Variants in THSD7A observed in about 807,000 individuals in gnomAD.
THSD7A encodes thrombospondin type-1 domain-containing protein 7A.
A neutral mutation model predicts 231.3 loss-of-function variants in THSD7A; 96 were observed. The observed-to-expected ratio is 0.41, with a 90% CI of 0.35 to 0.49. The LOEUF is 0.49. Ranked by LOEUF, THSD7A falls within the 20% of genes least tolerant of loss-of-function variation. THSD7A has a pLI of 0.05. For synonymous variants in THSD7A, 940 were observed against 743.3 expected (o/e 1.26, Z -4.30); for missense variants, 2,290 against 2,070.2 (o/e 1.11, Z -2.06).
At chr7:11,533,929 C>T (rs905969938) in intron 6 of THSD7A, among the ~76,000 whole-genome samples, 1 of 152,122 alleles carries the variant, frequency 6.6e-6, no homozygotes, top group African/African-American at 2.4e-5. Context: ...TGGCTGAATG[C>T]TTCCTGTTTT....
rs193185024 is a variant in THSD7A at position 11,488,184 on chromosome 7, A to T, written c.1823-6202T>A. ...CCAGATCTATACAAAATCCGGAGTA[A>T]CTCCGATAATTATTACTGAGTTTTT... On this transcript the variant is annotated intron_variant, in intron 6 of 27. Coordinates refer to ENST00000423059, the MANE Select transcript of THSD7A (RefSeq NM_015204.3). Among the ~76,000 whole-genome samples the T allele has an allele frequency of 1.4e-3, 212 of 152,170 alleles. 1 individual carries two copies. Among genetic ancestry groups the T allele is most frequent in the Admixed American group, 0.012 (178 of 15,256 alleles).
intron 2 of THSD7A, among the ~76,000 whole-genome samples, chr7:11,615,698 C>T (rs17164890): frequency 0.043 from 6,542 of 152,136 alleles, 179 homozygotes; most frequent in Middle Eastern, 0.071. Context: ...AGAGCACAAC[C>T]TTTTCTTTTA....
chr7:11,821,070 G>T, intron 1 of THSD7A: 2 of 986,324 alleles, frequency 2.0e-6, no homozygotes, highest in Non-Finnish European at 3.2e-6. Context: ...TTTTATGAAA[G>T]TACTGCGGGA....
rs930267974 is a variant in THSD7A, at chr7:11,474,786, A to T, written c.2018-218T>A. On this transcript the variant is annotated intron_variant, in intron 7 of 27. Coordinates refer to ENST00000423059, the MANE Select transcript of THSD7A (RefSeq NM_015204.3). The surrounding 1 kb of genome is among the most constrained non-coding windows in gnomAD (Gnocchi z 4.1). Reference sequence around the variant, plus strand: ...ACACTCAAGGATCTCATAATGTAGTAGGGAAAAGTAGTAGGGGAGATAAGG... The same window carrying T: ...ACACTCAAGGATCTCATAATGTAGTTGGGAAAAGTAGTAGGGGAGATAAGG... Among the ~76,000 whole-genome samples the T allele has an allele frequency of 6.6e-6, 1 of 152,218 alleles. No individual in the cohort carries two copies. Among genetic ancestry groups the T allele is most frequent in the African/African-American group, 2.4e-5 (1 of 41,464 alleles).
chr7:11,386,359 C>T, intron 23 of THSD7A, among the ~76,000 whole-genome samples: 1 of 152,154 alleles, frequency 6.6e-6, no homozygotes, highest in East Asian at 1.9e-4. Flanking sequence ...CCTGTTTCTC[C>T]ATATCCTCTC....
intron 1 of THSD7A, among the ~76,000 whole-genome samples, chr7:11,657,157 A>G (rs1782742412): frequency 6.6e-6 from 1 of 151,866 alleles, no homozygotes; most frequent in Non-Finnish European, 1.5e-5. Context: ...ATGTATACAT[A>G]GCAGTGTGAG....
rs1250605456 is a variant in THSD7A, at chr7:11,831,967, G to T, written c.-21C>A. 35 of 1,223,496 alleles carry T rather than the reference G, an allele frequency of 2.9e-5. No individual in the cohort carries two copies. Among genetic ancestry groups the T allele is most frequent in the Non-Finnish European group, 3.6e-5 (35 of 983,130 alleles). The allele number at this position is 1,223,496 out of a possible 1,614,324, so 75.8% of individuals were successfully genotyped here. ...CCCATGCCGCCTGCAGCCACTCCAG[G>T]GTCCAGAGCCGTAGCACGCTCGGCA... On this transcript the variant is annotated 5_prime_UTR_variant, in exon 1 of 28. Coordinates refer to ENST00000423059, the MANE Select transcript of THSD7A (RefSeq NM_015204.3). This position sits in a 1 kb window ranked among gnomAD's most constrained non-coding sequence, Gnocchi z 5.0.
intron 1 of THSD7A, among the ~76,000 whole-genome samples, chr7:11,764,251 GTA>G (rs1383776525): frequency 6.6e-6 from 1 of 151,990 alleles, no homozygotes; most frequent in Non-Finnish European, 1.5e-5. Flanking sequence ...TAAATTAATG[GTA>G]TTTACAAATA....
intron 1 of THSD7A, among the ~76,000 whole-genome samples, chr7:11,664,202 A>G (rs967195152): frequency 1.3e-5 from 2 of 151,206 alleles, no homozygotes; most frequent in African/African-American, 2.5e-5. Context: ...AGACCAAGAA[A>G]TTATGTGTTA....
At chr7:11,769,151 A>ATTTTTT (rs1422492872) in intron 1 of THSD7A, among the ~76,000 whole-genome samples, 2 of 35,466 alleles carry the variant, frequency 5.6e-5, no homozygotes, top group Non-Finnish European at 1.2e-4. Context: ...ATATATATAT[A>ATTTTTT]TATTTTTTTT....
chr7:11,633,610 T>C lies in THSD7A; in HGVS notation c.1022+2520A>G, dbSNP rs1781732576. On this transcript the variant is annotated intron_variant, in intron 2 of 27. Transcript: ENST00000423059. ...CCTTCTAAGTGTCCTCCCTAAGTTG[T>C]GTCTAATTTTACCACATTAGCCAAA... is the stretch of plus-strand genomic sequence containing the variant. Among the ~76,000 whole-genome samples the C allele has an allele frequency of 2.6e-5, 4 of 152,324 alleles. No individual in the cohort carries two copies. The South Asian group carries it at 8.3e-4, about 32-fold the overall frequency.
chr7:11,789,894 T>G (rs1380839130), intron 1 of THSD7A, among the ~76,000 whole-genome samples: 1 of 152,040 alleles, frequency 6.6e-6, no homozygotes, highest in East Asian at 1.9e-4. Flanking sequence ...GTAGGCAGGA[T>G]TTATATGATA....
chr7:11,417,864 A>G (rs2115398705), intron 16 of THSD7A, among the ~76,000 whole-genome samples: 1 of 152,324 alleles, frequency 6.6e-6, no homozygotes, highest in African/African-American at 2.4e-5. Flanking sequence ...TGACTATAAG[A>G]GCCACTGTGT....
chr7:11,828,209 A>G (rs1208418895), intron 1 of THSD7A, among the ~76,000 whole-genome samples: 1 of 152,212 alleles, frequency 6.6e-6, no homozygotes, highest in African/African-American at 2.4e-5. Flanking sequence ...TTGAAAGTTT[A>G]TTGATAATCT....
At chr7:11,517,341 G>A (rs1189182472) in intron 6 of THSD7A, among the ~76,000 whole-genome samples, 2 of 151,976 alleles carry the variant, frequency 1.3e-5, no homozygotes, top group Non-Finnish European at 2.9e-5. Context: ...GCCTCCCAAA[G>A]TGCTGGGATT....
At chr7:11,478,715 C>T (rs1000332022) in intron 7 of THSD7A, among the ~76,000 whole-genome samples, 2 of 152,110 alleles carry the variant, frequency 1.3e-5, no homozygotes, top group Non-Finnish European at 2.9e-5. Flanking sequence ...AATAATTAAT[C>T]CTAACATTTT....
intron 1 of THSD7A, among the ~76,000 whole-genome samples, chr7:11,793,089 G>C (rs918607595): frequency 6.6e-6 from 1 of 151,784 alleles, no homozygotes; most frequent in African/African-American, 2.4e-5. Context: ...ATGAATATAG[G>C]AATTAGATGG....
At chr7:11,707,840 A>G (rs1780820496) in intron 1 of THSD7A, among the ~76,000 whole-genome samples, 2 of 150,922 alleles carry the variant, frequency 1.3e-5, no homozygotes, top group South Asian at 4.2e-4. Flanking sequence ...TTATACAAAC[A>G]AACAATTTTA....
At chr7:11,783,252 C>G (rs1225151824) in intron 1 of THSD7A, among the ~76,000 whole-genome samples, 2 of 152,268 alleles carry the variant, frequency 1.3e-5, no homozygotes, top group East Asian at 3.9e-4. Context: ...GCGTAGCTAA[C>G]CTATACATGC....
Sources: gnomAD v4.1 joint callset for allele counts (sites outside exome capture counted in the v4.1 genomes callset) on GRCh38, gnomAD v4.1.1 for gene constraint, Gnocchi (gnomAD v3.1) non-coding constraint, MANE v1.5 for transcripts, NCBI Gene and HGNC (gene_info 2026-07-23, HGNC 2026-07-21) for gene names.